Variants in DNAAF9 observed in about 807,000 individuals in gnomAD.
DNAAF9 encodes dynein axonemal assembly factor 9, also known as shulin.
In DNAAF9, 90 loss-of-function variants were observed where a neutral mutation model predicts 167.0. The ratio of observed to expected loss-of-function variants is 0.54; its 90% CI spans 0.45 to 0.64. The LOEUF is 0.64. DNAAF9 is among the 30% of genes least tolerant of loss of function. The pLI is 0.00. For synonymous variants in DNAAF9, 491 were observed against 508.8 expected, an observed-to-expected ratio of 0.96 and a Z score of 0.47; for missense variants, 1,315 against 1,442.2, an observed-to-expected ratio of 0.91 and a Z score of 1.43.
At chr20:3,403,041 C>T (rs1387494591) in intron 1 of DNAAF9, among the ~76,000 whole-genome samples, 1 of 152,138 alleles carries the variant, frequency 6.6e-6, no homozygotes, top group African/African-American at 2.4e-5. Context: ...CTCCCTGTTA[C>T]AGACATCTAC....
chr20:3,306,889 C>G, intron 20 of DNAAF9: 1 of 985,048 alleles, frequency 1.0e-6, no homozygotes, highest in South Asian at 4.7e-5. Flanking sequence ...CTTACTGTTT[C>G]CAGAGATAAG....
chr20:3,393,954 T>C (rs1266628992), intron 1 of DNAAF9, among the ~76,000 whole-genome samples: 1 of 152,254 alleles, frequency 6.6e-6, no homozygotes, highest in African/African-American at 2.4e-5. Flanking sequence ...ACATTTCTTT[T>C]TCTATGAGTG....
At chr20:3,396,349 C>T (rs796829322) in intron 1 of DNAAF9, among the ~76,000 whole-genome samples, 2 of 152,262 alleles carry the variant, frequency 1.3e-5, no homozygotes, top group East Asian at 1.9e-4. Flanking sequence ...AATTTATTTA[C>T]AGTTTTTATT....
chr20:3,381,546 C>CA, intron 2 of DNAAF9, 48 bp from the exon 3 acceptor site: 1 of 1,566,162 alleles, frequency 6.4e-7, no homozygotes, highest in Non-Finnish European at 8.6e-7. Flanking sequence ...CTACAGGGAG[C>CA]AAATGAGCCA....
chr20:3,258,141 C>T lies in DNAAF9; in HGVS notation c.3055+1339G>A, dbSNP rs185283571. Among the ~76,000 whole-genome samples the T allele has an allele frequency of 7.3e-5, 11 of 150,044 alleles. No homozygotes were observed. The East Asian group carries it at 1.8e-3, about 24-fold the overall frequency. On this transcript the variant is annotated intron_variant, in intron 33 of 36. Transcript: ENST00000252032. ...TCGGCCTCCCAAAGTGCTGGGATTA[C>T]AGGCGTGAGCCACTGCACCCAGCCA...
chr20:3,252,751 G>A (rs1568557248), intron 36 of DNAAF9, 67 bp from the exon 37 acceptor site: 7 of 939,822 alleles, frequency 7.4e-6, no homozygotes, highest in African/African-American at 3.2e-5. Flanking sequence ...AGCCCAGAGC[G>A]GCCTGTAGGC....
At chr20:3,406,460 C>A (rs914045966) in intron 1 of DNAAF9, among the ~76,000 whole-genome samples, 5 of 152,122 alleles carry the variant, frequency 3.3e-5, no homozygotes, top group Admixed American at 1.3e-4. Flanking sequence ...GCTCATCGCT[C>A]GCATTCCCCC....
chr20:3,280,804 G>T (rs555274058), intron 28 of DNAAF9, among the ~76,000 whole-genome samples: 4 of 151,594 alleles, frequency 2.6e-5, no homozygotes, highest in African/African-American at 4.8e-5. Context: ...GGCAGAGACA[G>T]GGTCTCACTA....
Position 3,315,596 on chromosome 20 carries a change from G to A in DNAAF9, c.1590+139C>T. ...TTCTAAAGCTCTGCTGGGAAGGGGAGGAATGCAAATAGGAAGTGAAGACAA... is the reference window on the plus strand; with the variant it reads ...TTCTAAAGCTCTGCTGGGAAGGGGAAGAATGCAAATAGGAAGTGAAGACAA... On this transcript the variant is annotated intron_variant, in intron 19 of 36. Transcript: ENST00000252032. The surrounding 1 kb of genome is among the most constrained non-coding windows in gnomAD (Gnocchi z 4.1). The A allele has an allele frequency of 1.4e-6, 1 of 709,052 alleles. No homozygotes were observed. The allele number at this position is 709,052 out of a possible 1,614,324, so 43.9% of individuals were successfully genotyped here. A position where few individuals can be genotyped will look rare whatever the true frequency, so the allele number is the denominator to read the frequency against.
chr20:3,321,105 C>T (rs1024148012), intron 16 of DNAAF9, among the ~76,000 whole-genome samples: 1 of 152,206 alleles, frequency 6.6e-6, no homozygotes, highest in Non-Finnish European at 1.5e-5. Context: ...ATCTCCAAAC[C>T]ATGCCCCCAG....
intron 1 of DNAAF9, among the ~76,000 whole-genome samples, chr20:3,382,944 C>A (rs902146682): frequency 5.9e-5 from 9 of 152,142 alleles, no homozygotes; most frequent in Non-Finnish European, 1.2e-4. Context: ...AAACTAAACC[C>A]CCAAACTGGC....
At position 3,344,033 on chromosome 20, in the gene DNAAF9, G is replaced by A. The variant is rs77870932; in HGVS notation, c.790-302C>T. On this transcript the variant is annotated intron_variant, in intron 8 of 36. Transcript: ENST00000252032. Reference sequence around the variant, plus strand: ...AAAAAAGACAAAAACCTGCAAAAAGGAAAATAAAGAAAAAAATCCTTTTAA... The same window carrying A: ...AAAAAAGACAAAAACCTGCAAAAAGAAAAATAAAGAAAAAAATCCTTTTAA... Among the ~76,000 whole-genome samples the A allele has an allele frequency of 5.5e-4, 83 of 152,112 alleles. 1 individual carries two copies. In the East Asian group the frequency reaches 0.015, roughly 28 times the overall value.
chr20:3,284,167 TAG>T (rs1200684219), intron 27 of DNAAF9, among the ~76,000 whole-genome samples: 2 of 145,652 alleles, frequency 1.4e-5, no homozygotes, highest in African/African-American at 2.6e-5. Context: ...CTCAAGTTAC[TAG>T]AGTCTTTTTT....
Position 3,256,027 on chromosome 20 carries a change from C to A in DNAAF9, c.3240G>T (p.Trp1080Cys). The change falls in exon 34 of 37, where the codon TGG becomes TGT. Residue 1080 changes from tryptophan to cysteine, a missense_variant. Transcript: ENST00000252032. ...CCACCTGCTTAGCTGACTGCCGCAG[C>A]CAGTCCTTGATGCTGTCTTCCTTCA... ...CSLKEDSIKD[W>C]LRQSAKQKPQ... is the part of the protein sequence containing the mutation. The A allele has an allele frequency of 1.9e-6, 3 of 1,613,002 alleles. No homozygotes were observed. Among genetic ancestry groups the A allele is most frequent in the Non-Finnish European group, 2.5e-6 (3 of 1,179,592 alleles).
chr20:3,256,697 C>T (rs1173392375), intron 33 of DNAAF9, among the ~76,000 whole-genome samples: 1 of 152,130 alleles, frequency 6.6e-6, no homozygotes, highest in Non-Finnish European at 1.5e-5. Context: ...GCACTTGTGG[C>T]ATTTGAAAGT....
At chr20:3,349,204 C>CAAAAAAAAAAAA (rs56109511) in intron 7 of DNAAF9, among the ~76,000 whole-genome samples, 2 of 85,544 alleles carry the variant, frequency 2.3e-5, no homozygotes. Flanking sequence ...AAAAAAAAAA[C>CAAAAAAAAAAAA]AAAAAAAAAA....
intron 6 of DNAAF9, among the ~76,000 whole-genome samples, chr20:3,372,680 G>A (rs1482289530): frequency 6.6e-6 from 1 of 152,186 alleles, no homozygotes; most frequent in Admixed American, 6.5e-5. Flanking sequence ...TAGGAGCACA[G>A]GCTCTGAAAC....
rs577869660 is a variant in DNAAF9 at position 3,361,980 on chromosome 20, T to C, written c.613-2387A>G. The C allele has an allele frequency of 3.9e-6, 6 of 1,533,694 alleles. No homozygotes were observed. The East Asian group carries it at 6.7e-5, about 17-fold the overall frequency. ...CTCTTGCAGGACAACTTTGATGCTA[T>C]ATGAATTCTGCCATTTTGCTAGCAC... is the stretch of plus-strand genomic sequence containing the variant. On this transcript the variant is annotated intron_variant, in intron 6 of 36. Transcript: ENST00000252032.
chr20:3,318,635 A>G (rs1208421639), intron 16 of DNAAF9, among the ~76,000 whole-genome samples: 1 of 152,180 alleles, frequency 6.6e-6, no homozygotes, highest in African/African-American at 2.4e-5. Context: ...CTATAAGGAA[A>G]GTATCCTTAT....
Sources: gnomAD v4.1 joint callset for allele counts (sites outside exome capture counted in the v4.1 genomes callset) on GRCh38, gnomAD v4.1.1 for gene constraint, Gnocchi (gnomAD v3.1) non-coding constraint, MANE v1.5 for transcripts, NCBI Gene and HGNC (gene_info 2026-07-23, HGNC 2026-07-21) for gene names.